CCSER1: variants seen among roughly 807,000 people sequenced by gnomAD.
CCSER1 encodes coiled-coil serine rich protein 1.
In CCSER1, 41 loss-of-function variants were observed where a neutral mutation model predicts 82.0. The ratio of observed to expected loss-of-function variants is 0.50; its 90% CI spans 0.39 to 0.65. CCSER1 has a LOEUF of 0.65. Ranked by LOEUF, CCSER1 falls within the 30% of genes least tolerant of loss-of-function variation. The pLI is 0.00. For missense variants in CCSER1, 1,119 were observed against 1,064.2 expected (o/e 1.05, Z -0.72); for synonymous variants, 414 against 383.9 (o/e 1.08, Z -0.92).
chr4:90,598,453 C>T (rs1028024907), intron 5 of CCSER1, among the ~76,000 whole-genome samples: 2 of 152,112 alleles, frequency 1.3e-5, no homozygotes, highest in Non-Finnish European at 2.9e-5. Context: ...GTTTCCTTTT[C>T]TCCACACCTT....
At position 90,723,991 on chromosome 4, in the gene CCSER1, G is replaced by C; in HGVS notation, c.2010G>C (p.Lys670Asn). The C allele has an allele frequency of 6.5e-7, 1 of 1,544,508 alleles. No individual in the cohort carries two copies. The highest frequency in any genetic ancestry group is 8.8e-7 in the Non-Finnish European group (1 of 1,136,480). ...TTACTGAAGAGCCAGTGCCTTTCAA[G>C]GTAAAAAACAAACAAGAAAGCATTA... ...SPLTEEPVPFKDIMKDECSML... is the reference protein window; with the variant it reads ...SPLTEEPVPFNDIMKDECSML... Residue 670 changes from lysine (K) to asparagine (N), a missense_variant and splice_region_variant, in exon 7 of 11, where the codon AAG becomes AAC. Transcript: ENST00000509176.
At position 91,296,941 on chromosome 4, in the gene CCSER1, T is replaced by A. The variant is rs539981459; in HGVS notation, c.2217+210947T>A. 2.6e-3 allele frequency among the ~76,000 whole-genome samples: 393 copies of A among 151,850 alleles called. 5 individuals carry two copies. Among genetic ancestry groups the A allele is most frequent in the African/African-American group, 9.2e-3 (381 of 41,452 alleles). ...AAATTATAATGAATATTATATTTTT[T>A]AAAAAATACATCAAAATGTTGTGAA... On this transcript the variant is annotated intron_variant, in intron 10 of 10. Coordinates refer to ENST00000509176, the MANE Select transcript of CCSER1 (RefSeq NM_001145065.2).
At position 91,583,744 on chromosome 4, in the gene CCSER1, TA is replaced by T. The variant is rs1763850277; in HGVS notation, c.2218-14825del. Reference sequence around the variant, plus strand: ...TTTATATAAGAACTATACAAAGTTTTAAACAATTATTTTGATAGATCAGATG... The same window carrying T: ...TTTATATAAGAACTATACAAAGTTTTAACAATTATTTTGATAGATCAGATG... On this transcript the variant is annotated intron_variant, in intron 10 of 10. Coordinates refer to ENST00000509176, the MANE Select transcript of CCSER1 (RefSeq NM_001145065.2). 2.0e-5 allele frequency among the ~76,000 whole-genome samples: 3 copies of T among 151,516 alleles called. No individual in the cohort carries two copies. In the South Asian group the frequency reaches 6.2e-4, roughly 31 times the overall value.
At chr4:90,968,504 A>C (rs540034729) in intron 9 of CCSER1, among the ~76,000 whole-genome samples, 1 of 152,132 alleles carries the variant, frequency 6.6e-6, no homozygotes, top group South Asian at 2.1e-4. Context: ...TTCAGAGCAA[A>C]CTGCCCTAGG....
chr4:90,452,340 T>A (rs1761569192), intron 4 of CCSER1, among the ~76,000 whole-genome samples: 1 of 152,156 alleles, frequency 6.6e-6, no homozygotes, highest in African/African-American at 2.4e-5. Flanking sequence ...ATACTACAGA[T>A]CCCTCTAATA....
At chr4:91,314,459 T>C (rs566214946) in intron 10 of CCSER1, among the ~76,000 whole-genome samples, 1 of 152,006 alleles carries the variant, frequency 6.6e-6, no homozygotes, top group Non-Finnish European at 1.5e-5. Flanking sequence ...CTCAGTTGAT[T>C]AGAAAACCAA....
intron 10 of CCSER1, among the ~76,000 whole-genome samples, chr4:91,271,234 G>A (rs898998701): frequency 1.3e-5 from 2 of 152,060 alleles, no homozygotes; most frequent in Non-Finnish European, 2.9e-5. Context: ...CTGGTCATAA[G>A]TTACTTATGC....
intron 10 of CCSER1, among the ~76,000 whole-genome samples, chr4:91,150,661 A>G (rs966458284): frequency 1.3e-5 from 2 of 152,202 alleles, no homozygotes; most frequent in South Asian, 2.1e-4. Flanking sequence ...TGTCCCATCA[A>G]TACCTAATTT....
At chr4:91,584,316 G>A (rs888621422) in intron 10 of CCSER1, among the ~76,000 whole-genome samples, 2 of 151,446 alleles carry the variant, frequency 1.3e-5, no homozygotes, top group Non-Finnish European at 3.0e-5. Context: ...TGGACTAGAT[G>A]TATTAGATTG....
Position 90,675,377 on chromosome 4 carries a change from A to G in CCSER1, c.1932+47145A>G, listed in dbSNP as rs182328237. Among the ~76,000 whole-genome samples the G allele has an allele frequency of 3.9e-3, 597 of 151,990 alleles. 4 individuals carry two copies. Among genetic ancestry groups the G allele is most frequent in the African/African-American group, 0.014 (569 of 41,548 alleles). On this transcript the variant is annotated intron_variant, in intron 6 of 10. Transcript: ENST00000509176. Reference sequence around the variant, plus strand: ...TAAGGATGCAAGAAAAAAATATTCTATATTACTATATGTCTAGTAAATGTG... The same window carrying G: ...TAAGGATGCAAGAAAAAAATATTCTGTATTACTATATGTCTAGTAAATGTG...
intron 10 of CCSER1, among the ~76,000 whole-genome samples, chr4:91,462,493 G>C (rs928175171): frequency 5.3e-5 from 8 of 152,066 alleles, no homozygotes; most frequent in African/African-American, 1.4e-4. Context: ...TCTCACTGGG[G>C]TTTGTTGGAC....
intron 10 of CCSER1, among the ~76,000 whole-genome samples, chr4:91,189,364 C>T (rs1734826076): frequency 6.6e-6 from 1 of 152,004 alleles, no homozygotes; most frequent in South Asian, 2.1e-4. Context: ...TATTTTGATG[C>T]TGGTGTATTC....
chr4:91,535,261 TTA>T (rs950240441), intron 10 of CCSER1, among the ~76,000 whole-genome samples: 1 of 152,018 alleles, frequency 6.6e-6, no homozygotes, highest in Non-Finnish European at 1.5e-5. Flanking sequence ...TTTAGCCAAT[TTA>T]TGACATTAAT....
At chr4:91,400,183 T>C (rs113890765) in intron 10 of CCSER1, among the ~76,000 whole-genome samples, 54 of 152,140 alleles carry the variant, frequency 3.5e-4, no homozygotes, top group Admixed American at 2.6e-4. Flanking sequence ...ATCTCTTACA[T>C]ATAGAACTTA....
At chr4:90,901,431 C>T (rs1252609830) in intron 8 of CCSER1, among the ~76,000 whole-genome samples, 1 of 151,908 alleles carries the variant, frequency 6.6e-6, no homozygotes. Flanking sequence ...CAAGTATTGT[C>T]CTTTCATTTC....
chr4:91,556,283 C>A (rs1314323554), intron 10 of CCSER1, among the ~76,000 whole-genome samples: 1 of 87,810 alleles, frequency 1.1e-5, no homozygotes, highest in Non-Finnish European at 2.2e-5. Context: ...TATTACCCAA[C>A]TTATCTGTAA....
intron 8 of CCSER1, among the ~76,000 whole-genome samples, chr4:90,825,197 T>C (rs185940590): frequency 6.6e-6 from 1 of 152,328 alleles, no homozygotes; most frequent in East Asian, 1.9e-4. Context: ...TAAATGCCAA[T>C]AGGAAGGTGT....
rs1764751433 is a variant in CCSER1, at chr4:91,600,047, T to TTCATAAAATTTCATAAAATACTTCTA, written c.*990_*991insTCATAAAATTTCATAAAATACTTCTA. 1.3e-5 allele frequency: 2 copies of TTCATAAAATTTCATAAAATACTTCTA among 152,098 alleles called. No homozygotes were observed. Among genetic ancestry groups the TTCATAAAATTTCATAAAATACTTCTA allele is most frequent in the South Asian group, 2.1e-4 (1 of 4,828 alleles). The allele number at this position is 152,098 out of a possible 1,614,324, so 9.4% of individuals were successfully genotyped here. ...ATTTTATGAACTGAAGAACAGAAAG[T>TTCATAAAATTTCATAAAATACTTCTA]CAGTATTTTAGTAGCCAGCATACAA... On this transcript the variant is annotated 3_prime_UTR_variant, in exon 11 of 11. Transcript: ENST00000509176.
At chr4:91,258,124 GTTGT>G (rs147632767) in intron 10 of CCSER1, among the ~76,000 whole-genome samples, 5,673 of 152,068 alleles carry the variant, frequency 0.037, 148 homozygotes, top group African/African-American at 0.073. Flanking sequence ...AAATGCTGTG[GTTGT>G]TTAATTAGTT....
Sources: gnomAD v4.1 joint callset for allele counts (sites outside exome capture counted in the v4.1 genomes callset) on GRCh38, gnomAD v4.1.1 for gene constraint, MANE v1.5 for transcripts, NCBI Gene and HGNC (gene_info 2026-07-23, HGNC 2026-07-21) for gene names.